The following SMC5 variants were observed in gnomAD, a reference collection of about 807,000 sequenced individuals.
SMC5 encodes structural maintenance of chromosomes 5.
In SMC5, 88 loss-of-function variants were observed where a neutral mutation model predicts 148.3. The observed-to-expected ratio is 0.59, with a 90% CI of 0.50 to 0.71. The LOEUF is 0.71. Among genes scored for constraint, SMC5 ranks in the 30% least tolerant of loss-of-function variants. The probability of loss-of-function intolerance (pLI) is 0.00; values close to 1 mark genes in which losing one functional copy is unlikely to be tolerated. For synonymous variants in SMC5, 421 were observed against 432.8 expected (o/e 0.97, Z 0.34); for missense variants, 1,142 against 1,298.9 (o/e 0.88, Z 1.86).
intron 8 of SMC5, among the ~76,000 whole-genome samples, chr9:70,297,612 G>A (rs1416172073): frequency 6.6e-6 from 1 of 152,124 alleles, no homozygotes; most frequent in Non-Finnish European, 1.5e-5. Flanking sequence ...TATCACATAT[G>A]CCACATGACT....
At chr9:70,292,956 C>T (rs964890451) in intron 8 of SMC5, among the ~76,000 whole-genome samples, 9 of 152,130 alleles carry the variant, frequency 5.9e-5, no homozygotes, top group Non-Finnish European at 1.2e-4. Context: ...GTTTTGTAGT[C>T]TTCTTGTATT....
chr9:70,319,210 T>C (rs1220945167), intron 15 of SMC5, among the ~76,000 whole-genome samples: 1 of 152,192 alleles, frequency 6.6e-6, no homozygotes, highest in Admixed American at 6.5e-5. Flanking sequence ...AATGAGGACC[T>C]TGAAGAGGTT....
rs557437699 is a variant in SMC5, at chr9:70,301,304, A to G, written c.1464+1104A>G. ...GTCTCCTCTTGTCATTTGGTTTTCT[A>G]ATAGTAGCATATATCACCAAGTCAG... On this transcript the variant is annotated intron_variant, in intron 10 of 24. Transcript: ENST00000361138. Among the ~76,000 whole-genome samples the G allele has an allele frequency of 2.6e-5, 4 of 152,348 alleles. No individual in the cohort carries two copies. In the South Asian group the frequency reaches 8.3e-4, roughly 32 times the overall value.
rs1486053676 is a variant in SMC5, at chr9:70,346,775, A to C, written c.2568+126A>C. Reference sequence around the variant, plus strand: ...TGAATTCTCTTAACTCTCCTGTAGCATGAACTGATACTTCTTTTCTCTAAA... The same window carrying C: ...TGAATTCTCTTAACTCTCCTGTAGCCTGAACTGATACTTCTTTTCTCTAAA... On this transcript the variant is annotated intron_variant, in intron 19 of 24. Transcript: ENST00000361138. 4.3e-6 allele frequency: 4 copies of C among 936,446 alleles called. No individual in the cohort carries two copies. In the African/African-American group the frequency reaches 6.6e-5, roughly 15 times the overall value. The allele number at this position is 936,446 out of a possible 1,614,324, so 58.0% of individuals were successfully genotyped here.
At chr9:70,347,876 A>G (rs1462999848) in intron 21 of SMC5, 43 bp from the exon 22 acceptor site, 2 of 1,539,882 alleles carry the variant, frequency 1.3e-6, no homozygotes, top group Non-Finnish European at 1.8e-6. Context: ...GAATATAGTA[A>G]TACTGCTTTT....
At position 70,298,074 on chromosome 9, in the gene SMC5, A is replaced by C. The variant is rs1376608948; in HGVS notation, c.1162A>C (p.Lys388Gln). The C allele has an allele frequency of 6.2e-7, 1 of 1,613,948 alleles. No individual in the cohort carries two copies. Among genetic ancestry groups the C allele is most frequent in the Non-Finnish European group, 8.5e-7 (1 of 1,179,960 alleles). The change falls in exon 9 of 25, where the codon AAG (lysine) becomes CAG (glutamine). Residue 388 changes from lysine to glutamine, a missense_variant. This residue lies in a region of SMC5 where 743 missense variants were observed against 835.7 expected (regional missense o/e 0.89). Transcript: ENST00000361138. The stretch of plus-strand genomic sequence containing the variant: ...GATAGAGGATTTGCAAAATGAACTA[A>C]AGACCACGGAAAACTGCGAGAATCT... The part of the protein sequence containing the change: ...KMIEDLQNEL[K>Q]TTENCENLQP...
At chr9:70,309,602 C>T (rs1473589281) in intron 11 of SMC5, among the ~76,000 whole-genome samples, 1 of 152,040 alleles carries the variant, frequency 6.6e-6, no homozygotes, top group Non-Finnish European at 1.5e-5. Flanking sequence ...CTTTGCTCAT[C>T]CATAAGAAGC....
intron 8 of SMC5, among the ~76,000 whole-genome samples, chr9:70,297,680 C>A (rs1206737678): frequency 6.6e-6 from 1 of 151,872 alleles, no homozygotes; most frequent in Non-Finnish European, 1.5e-5. Flanking sequence ...TTTAGAAATC[C>A]GTTGGGCTTT....
intron 22 of SMC5, among the ~76,000 whole-genome samples, chr9:70,348,483 C>T (rs1320989001): frequency 2.0e-5 from 3 of 151,786 alleles, no homozygotes; most frequent in Non-Finnish European, 2.9e-5. Context: ...CTTGAGCTCA[C>T]GGGTTTGAGA....
At chr9:70,324,000 C>A in intron 16 of SMC5, 21 bp from the exon 17 acceptor site, 1 of 1,522,116 alleles carries the variant, frequency 6.6e-7, no homozygotes. Flanking sequence ...AAAATTAACT[C>A]TTAGGGGTTT....
At chr9:70,261,895 A>T (rs2034148720) in intron 1 of SMC5, among the ~76,000 whole-genome samples, 1 of 152,230 alleles carries the variant, frequency 6.6e-6, no homozygotes. Flanking sequence ...GAAGTCAGAT[A>T]GCGGGACTGA....
At position 70,298,020 on chromosome 9, in the gene SMC5, CAG is replaced by C. The variant is rs1165271685; in HGVS notation, c.1111_1112del (p.Arg371GlufsTer4). 6.2e-7 allele frequency: 1 copy of C among 1,613,782 alleles called. No individual in the cohort carries two copies. The highest frequency in any genetic ancestry group is 8.5e-7 in the Non-Finnish European group (1 of 1,179,930). ...AAAGCAAAATGAAGAGCTTGACCGA[CAG>C]AGGAGAATAGGTAATACCCGCAAAA... is the stretch of plus-strand genomic sequence containing the variant. ...IVKQNEELDR[Q>X]RRIGNTRKMI... On this transcript the variant is annotated frameshift_variant, in exon 9 of 25. Coordinates refer to ENST00000361138, the MANE Select transcript of SMC5 (RefSeq NM_015110.4). LOFTEE classifies it high-confidence loss of function.
intron 16 of SMC5, 100 bp downstream of exon 16, chr9:70,323,706 T>TGGGG: frequency 7.5e-7 from 1 of 1,328,604 alleles, no homozygotes; most frequent in Non-Finnish European, 1.0e-6. Flanking sequence ...TTAAGGTTTT[T>TGGGG]GACATTTTAG....
At chr9:70,332,166 A>T (rs1429927876) in intron 17 of SMC5, among the ~76,000 whole-genome samples, 1 of 152,112 alleles carries the variant, frequency 6.6e-6, no homozygotes, top group Non-Finnish European at 1.5e-5. Flanking sequence ...CTCATTAAAA[A>T]CTTTACCACT....
At chr9:70,321,130 C>G (rs1224760371) in intron 15 of SMC5, among the ~76,000 whole-genome samples, 1 of 152,044 alleles carries the variant, frequency 6.6e-6, no homozygotes, top group African/African-American at 2.4e-5. Flanking sequence ...CAATATGTCC[C>G]TTGAGTTCTG....
rs574175582 is a variant in SMC5 at position 70,333,601 on chromosome 9, C to T, written c.2397+9458C>T. Among the ~76,000 whole-genome samples, 8 of 152,258 alleles carry T rather than the reference C, an allele frequency of 5.3e-5. No homozygotes were observed. The East Asian group carries it at 1.5e-3, about 29-fold the overall frequency. On this transcript the variant is annotated intron_variant, in intron 17 of 24. Coordinates refer to ENST00000361138, the MANE Select transcript of SMC5 (RefSeq NM_015110.4). ...CAAAAATTAGCTGGGCATGGTGGCACATGCCTGTAATCCCAGCTACTCGGG... is the reference window on the plus strand; with the variant it reads ...CAAAAATTAGCTGGGCATGGTGGCATATGCCTGTAATCCCAGCTACTCGGG...
intron 2 of SMC5, among the ~76,000 whole-genome samples, chr9:70,266,831 C>A (rs1180105): frequency 0.25 from 37,570 of 152,082 alleles, 5,112 homozygotes; most frequent in African/African-American, 0.36. Context: ...GGTACCAAGT[C>A]TTTTAATTCT....
chr9:70,352,534 C>T lies in SMC5; in HGVS notation c.*203C>T. 6.2e-6 allele frequency: 3 copies of T among 486,188 alleles called. No homozygotes were observed. In the South Asian group the frequency reaches 1.2e-4, roughly 19 times the overall value. 30.1% of individuals were successfully genotyped at this position (486,188 alleles called of 1,614,324 possible). On this transcript the variant is annotated 3_prime_UTR_variant, in exon 25 of 25. Coordinates refer to ENST00000361138, the MANE Select transcript of SMC5 (RefSeq NM_015110.4). The stretch of plus-strand genomic sequence containing the variant: ...TAGTAAAAGTTAAGTCTTCTTCAGT[C>T]TTGGTTGAACTTGAGTTCTTGGCAC...
chr9:70,305,490 G>A (rs2035472963), intron 11 of SMC5, 130 bp downstream of exon 11: 7 of 577,338 alleles, frequency 1.2e-5, no homozygotes, highest in African/African-American at 1.9e-5. Context: ...AAATCACTCT[G>A]TTTTGCTAAT....
Sources: gnomAD v4.1 joint callset for allele counts (sites outside exome capture counted in the v4.1 genomes callset) on GRCh38, gnomAD v4.1.1 for gene constraint, gnomAD v4.1.1 regional missense constraint, MANE v1.5 for transcripts, NCBI Gene and HGNC (gene_info 2026-07-23, HGNC 2026-07-21) for gene names.